MAP4K5: variants seen among roughly 807,000 people sequenced by gnomAD.
MAP4K5 encodes MAPK/ERK kinase kinase kinase 5.
A neutral mutation model predicts 135.6 loss-of-function variants in MAP4K5; 82 were observed. The observed-to-expected ratio is 0.60, with a 90% CI of 0.51 to 0.73. The LOEUF (loss-of-function observed/expected upper bound fraction) is 0.73, where lower values mean the gene tolerates loss of function less well. Ranked by LOEUF, MAP4K5 falls within the 30% of genes least tolerant of loss-of-function variation. The pLI, the probability that MAP4K5 is intolerant of heterozygous loss-of-function variation, is 0.00. For synonymous variants in MAP4K5, 347 were observed against 335.0 expected, an observed-to-expected ratio of 1.04 and a Z score of -0.39; for missense variants, 907 against 1,010.9, an observed-to-expected ratio of 0.90 and a Z score of 1.39.
chr14:50,544,290 A>G (rs769639930), intron 1 of MAP4K5, among the ~76,000 whole-genome samples: 7 of 152,232 alleles, frequency 4.6e-5, no homozygotes, highest in Non-Finnish European at 7.3e-5. Context: ...CTTGGGCCCA[A>G]TAACTACCCT....
chr14:50,498,224 T>C (rs899649931), intron 3 of MAP4K5, among the ~76,000 whole-genome samples: 4 of 152,156 alleles, frequency 2.6e-5, no homozygotes, highest in African/African-American at 7.2e-5. Flanking sequence ...GGATGTCTAA[T>C]CAAAGAGATG....
Position 50,462,660 on chromosome 14 carries a change from C to T in MAP4K5, c.936+5G>A. 1 of 1,585,634 alleles carries T rather than the reference C, an allele frequency of 6.3e-7. No individual in the cohort carries two copies. Among genetic ancestry groups the T allele is most frequent in the Non-Finnish European group, 8.6e-7 (1 of 1,161,744 alleles). ...TCAACTATGAGACTGCAAACACTTCCTTACCTCAAAGTCATCGTCATCTGC... is the reference window on the plus strand; with the variant it reads ...TCAACTATGAGACTGCAAACACTTCTTTACCTCAAAGTCATCGTCATCTGC... On this transcript the variant is annotated splice_donor_5th_base_variant and intron_variant, in intron 13 of 32. Transcript: ENST00000682126.
At chr14:50,548,553 A>G (rs1386426609) in intron 1 of MAP4K5, among the ~76,000 whole-genome samples, 1 of 152,176 alleles carries the variant, frequency 6.6e-6, no homozygotes, top group Non-Finnish European at 1.5e-5. Context: ...TCTGTCACCC[A>G]GGCTGGAGTG....
chr14:50,434,908 A>T, intron 27 of MAP4K5, 54 bp downstream of exon 27: 1 of 1,049,936 alleles, frequency 9.5e-7, no homozygotes. Flanking sequence ...TTTTAGCTTC[A>T]GTTATACACT....
At chr14:50,510,922 T>C (rs1362511271) in intron 2 of MAP4K5, among the ~76,000 whole-genome samples, 2 of 152,182 alleles carry the variant, frequency 1.3e-5, no homozygotes, top group Admixed American at 1.3e-4. Flanking sequence ...TAGTCTTACC[T>C]TATGAGCCAG....
At chr14:50,499,778 A>C (rs992879870) in intron 3 of MAP4K5, among the ~76,000 whole-genome samples, 2 of 152,250 alleles carry the variant, frequency 1.3e-5, no homozygotes, top group African/African-American at 4.8e-5. Context: ...TCAAAACTGC[A>C]GATGAAAAAA....
At chr14:50,463,210 T>C (rs1000805548) in intron 12 of MAP4K5, among the ~76,000 whole-genome samples, 3 of 152,240 alleles carry the variant, frequency 2.0e-5, no homozygotes. Context: ...CAAAGACATA[T>C]ATAATTAAAT....
At chr14:50,478,452 A>C (rs1177899964) in intron 6 of MAP4K5, among the ~76,000 whole-genome samples, 1 of 150,126 alleles carries the variant, frequency 6.7e-6, no homozygotes, top group Non-Finnish European at 1.5e-5. Context: ...CTTACTTTGC[A>C]TTATATTTGC....
intron 2 of MAP4K5, among the ~76,000 whole-genome samples, chr14:50,523,279 C>A (rs2038189001): frequency 6.6e-6 from 1 of 152,024 alleles, no homozygotes; most frequent in African/African-American, 2.4e-5. Context: ...CCATTGCACT[C>A]CAGCCTGGGC....
chr14:50,440,029 A>T lies in MAP4K5; in HGVS notation c.1689T>A (p.Thr563=). ...KCTWLYVINN[T]LMSLSEGKTF... is the part of the protein sequence containing the mutation. ...CATACATACCTGATAATGACATTAA[A>T]GTATTATTGATAACATACAGCCAAG... The change falls in exon 23 of 33, where the codon ACT becomes ACA. Residue 563 remains threonine (T), a synonymous_variant. Transcript: ENST00000682126. The T allele has an allele frequency of 6.4e-7, 1 of 1,553,768 alleles. No individual in the cohort carries two copies. Among genetic ancestry groups the T allele is most frequent in the African/African-American group, 1.4e-5 (1 of 72,876 alleles).
At chr14:50,528,351 T>A (rs1447116301) in intron 2 of MAP4K5, among the ~76,000 whole-genome samples, 2 of 139,360 alleles carry the variant, frequency 1.4e-5, no homozygotes, top group African/African-American at 5.5e-5. Context: ...TTACGAAGAA[T>A]CTCAAAGCCA....
At chr14:50,560,520 G>T in intron 1 of MAP4K5, 2 of 600,454 alleles carry the variant, frequency 3.3e-6, no homozygotes, top group East Asian at 2.9e-5. Flanking sequence ...GCAGCTTCGC[G>T]CAGGCCGGGC....
chr14:50,470,681 CACACACA>C (rs2036939522), intron 9 of MAP4K5, among the ~76,000 whole-genome samples: 1 of 148,954 alleles, frequency 6.7e-6, no homozygotes, highest in Non-Finnish European at 1.5e-5. Flanking sequence ...CACACACACA[CACACACA>C]CCTTTTATAA....
At chr14:50,480,246 C>T (rs1192744240) in intron 6 of MAP4K5, among the ~76,000 whole-genome samples, 1 of 151,762 alleles carries the variant, frequency 6.6e-6, no homozygotes, top group Non-Finnish European at 1.5e-5. Flanking sequence ...GTGAAATAAA[C>T]ACATCATGGA....
In MAP4K5 at chr14:50,420,588, T is replaced by C. The variant is rs2035705111; in HGVS notation, c.2454-482A>G. Among the ~76,000 whole-genome samples the C allele has an allele frequency of 3.3e-5, 5 of 152,286 alleles. No individual in the cohort carries two copies. In the South Asian group the frequency reaches 1.0e-3, roughly 32 times the overall value. The stretch of plus-strand genomic sequence containing the variant: ...TTGAGGATGCAGGAAACTGTGATTG[T>C]GCCACTGCACTTCAGCCTGGGTGAG... On this transcript the variant is annotated intron_variant, in intron 32 of 32. Coordinates refer to ENST00000682126, the MANE Select transcript of MAP4K5 (RefSeq NM_006575.6).
intron 3 of MAP4K5, among the ~76,000 whole-genome samples, chr14:50,499,779 G>T (rs1046573776): frequency 6.6e-6 from 1 of 152,044 alleles, no homozygotes; most frequent in African/African-American, 2.4e-5. Context: ...CAAAACTGCA[G>T]ATGAAAAAAG....
At chr14:50,550,878 G>A (rs187208402) in intron 1 of MAP4K5, among the ~76,000 whole-genome samples, 6 of 152,034 alleles carry the variant, frequency 3.9e-5, no homozygotes, top group South Asian at 2.1e-4. Context: ...TATCAAAACC[G>A]CTGGGATACA....
rs73289874 is a variant in MAP4K5 at position 50,546,027 on chromosome 14, C to T, written c.-179-3443G>A. Among the ~76,000 whole-genome samples the T allele has an allele frequency of 5.4e-3, 825 of 152,248 alleles. 7 individuals are homozygous for T. The highest frequency in any genetic ancestry group is 0.019 in the African/African-American group (787 of 41,538). ...ACTACTGGTGTTGAAATCAAACTCA[C>T]TGTTTATGGTACTGCTAATTCAAAG... On this transcript the variant is annotated intron_variant, in intron 1 of 8. Coordinates refer to the MAP4K5 transcript ENST00000555216.
chr14:50,529,563 A>G (rs2038341646), intron 2 of MAP4K5, among the ~76,000 whole-genome samples: 1 of 152,228 alleles, frequency 6.6e-6, no homozygotes, highest in African/African-American at 2.4e-5. Context: ...GCATAATCAG[A>G]GACAGAGCAG....
Sources: gnomAD v4.1 joint callset for allele counts (sites outside exome capture counted in the v4.1 genomes callset) on GRCh38, gnomAD v4.1.1 for gene constraint, MANE v1.5 for transcripts, NCBI Gene and HGNC (gene_info 2026-07-23, HGNC 2026-07-21) for gene names.